ST18: variants seen among roughly 807,000 people sequenced by gnomAD.
ST18 encodes the protein ST18 C2H2C-type zinc finger transcription factor.
A neutral mutation model predicts 110.0 loss-of-function variants in ST18; 50 were observed. That is an observed-to-expected ratio of 0.45 (90% CI 0.36 to 0.58). The LOEUF (loss-of-function observed/expected upper bound fraction) is 0.58, where lower values mean the gene tolerates loss of function less well. ST18 is among the 20% of genes least tolerant of loss of function. The probability of loss-of-function intolerance (pLI) is 0.00; values close to 1 mark genes in which losing one functional copy is unlikely to be tolerated. For missense variants in ST18, 1,306 were observed against 1,280.1 expected, an observed-to-expected ratio of 1.02 and a Z score of -0.31; for synonymous variants, 461 against 452.4, an observed-to-expected ratio of 1.02 and a Z score of -0.24.
chr8:52,174,243 G>A (rs1477792326), intron 9 of ST18, among the ~76,000 whole-genome samples: 1 of 152,084 alleles, frequency 6.6e-6, no homozygotes, highest in African/African-American at 2.4e-5. Flanking sequence ...AGGAACTCCA[G>A]GTTTAAATAA....
At chr8:52,233,143 G>T (rs1043543078) in intron 2 of ST18, among the ~76,000 whole-genome samples, 1 of 151,988 alleles carries the variant, frequency 6.6e-6, no homozygotes, top group African/African-American at 2.4e-5. Flanking sequence ...TAACCTTCTT[G>T]GTACAGAACA....
chr8:52,347,996 A>AT (rs1818502270), intron 2 of ST18, among the ~76,000 whole-genome samples: 1 of 151,942 alleles, frequency 6.6e-6, no homozygotes, highest in Non-Finnish European at 1.5e-5. Context: ...CATTTTTTTC[A>AT]TTTTACAGAT....
chr8:52,358,713 T>C (rs906857662), intron 2 of ST18, among the ~76,000 whole-genome samples: 10 of 151,856 alleles, frequency 6.6e-5, no homozygotes, highest in African/African-American at 2.4e-4. Context: ...ATAATAACAA[T>C]AAACCATACA....
At chr8:52,351,634 C>T (rs1384382995) in intron 2 of ST18, among the ~76,000 whole-genome samples, 1 of 152,170 alleles carries the variant, frequency 6.6e-6, no homozygotes, top group African/African-American at 2.4e-5. Flanking sequence ...TCAAGTCGAA[C>T]TAATGTTAAT....
chr8:52,408,708 A>C (rs1300739647), intron 2 of ST18, among the ~76,000 whole-genome samples: 2 of 152,244 alleles, frequency 1.3e-5, no homozygotes, highest in Non-Finnish European at 2.9e-5. Context: ...GTTCATTTTC[A>C]GTGACCTAAA....
At chr8:52,157,123 T>C (rs1423536195) in intron 15 of ST18, among the ~76,000 whole-genome samples, 1 of 152,236 alleles carries the variant, frequency 6.6e-6, no homozygotes, top group African/African-American at 2.4e-5. Flanking sequence ...TTTGATTTTT[T>C]GAAACGTGTC....
chr8:52,283,135 T>C (rs1293464535), intron 2 of ST18, among the ~76,000 whole-genome samples: 2 of 152,102 alleles, frequency 1.3e-5, no homozygotes, highest in Non-Finnish European at 2.9e-5. Flanking sequence ...GTTGGTGGAT[T>C]AGATATGGAA....
At chr8:52,302,576 C>T (rs979885979) in intron 2 of ST18, among the ~76,000 whole-genome samples, 7 of 152,100 alleles carry the variant, frequency 4.6e-5, no homozygotes, top group Admixed American at 6.6e-5. Flanking sequence ...CTGGACTCCT[C>T]AGAGAAATGG....
At chr8:52,150,000 A>AAAACATTT in intron 15 of ST18, 23 bp from the exon 16 acceptor site, 1 of 1,602,526 alleles carries the variant, frequency 6.2e-7, no homozygotes, top group Non-Finnish European at 8.5e-7. Context: ...AGGAAACAGA[A>AAAACATTT]AAACATTTAA....
At chr8:52,234,309 G>A (rs989280050) in intron 2 of ST18, among the ~76,000 whole-genome samples, 4 of 152,032 alleles carry the variant, frequency 2.6e-5, no homozygotes, top group African/African-American at 7.2e-5. Context: ...CTGTCACCCA[G>A]GCTGGAGTGC....
intron 2 of ST18, among the ~76,000 whole-genome samples, chr8:52,398,073 T>G (rs1030710700): frequency 6.6e-6 from 1 of 152,180 alleles, no homozygotes; most frequent in African/African-American, 2.4e-5. Context: ...TTCCTATACA[T>G]GGACACATTT....
intron 15 of ST18, among the ~76,000 whole-genome samples, chr8:52,151,445 T>C (rs1354628670): frequency 1.3e-5 from 2 of 152,236 alleles, no homozygotes; most frequent in Non-Finnish European, 2.9e-5. Context: ...GTTTAATCTC[T>C]CGTGATAGTT....
chr8:52,113,146 A>T lies in ST18; in HGVS notation c.*52T>A, dbSNP rs372851738. 21 of 1,606,760 alleles carry T rather than the reference A, an allele frequency of 1.3e-5. No homozygotes were observed. The highest frequency in any genetic ancestry group is 1.6e-5 in the Non-Finnish European group (19 of 1,177,010). On this transcript the variant is annotated 3_prime_UTR_variant, in exon 26 of 26. Transcript: ENST00000689386. ...CAGTACATGAACCTCTAACAGATCCATCTGGAGTTTACTGCTGTTGGTAAC... is the reference window on the plus strand; with the variant it reads ...CAGTACATGAACCTCTAACAGATCCTTCTGGAGTTTACTGCTGTTGGTAAC...
At chr8:52,211,807 C>T (rs1344099105) in intron 8 of ST18, among the ~76,000 whole-genome samples, 4 of 152,198 alleles carry the variant, frequency 2.6e-5, no homozygotes, top group African/African-American at 9.7e-5. Flanking sequence ...AAAGGGATCA[C>T]ATGCTTGATG....
chr8:52,255,192 C>T (rs747193857), intron 2 of ST18, among the ~76,000 whole-genome samples: 48 of 152,200 alleles, frequency 3.2e-4, no homozygotes, highest in Non-Finnish European at 6.0e-4. Context: ...CTGTGCGGCC[C>T]GGAGTGCTCT....
rs566780516 is a variant in ST18, at chr8:52,253,969, G to A, written c.-464-23892C>T. On this transcript the variant is annotated intron_variant, in intron 2 of 25. Coordinates refer to ENST00000689386, the MANE Select transcript of ST18 (RefSeq NM_001352837.2). ...TGTTTTTGCCAAAGAGAGTGAAAGTGTGAGAGATTGAGAGAGAGAGAGAGA... is the reference window on the plus strand; with the variant it reads ...TGTTTTTGCCAAAGAGAGTGAAAGTATGAGAGATTGAGAGAGAGAGAGAGA... Among the ~76,000 whole-genome samples, 19 of 104,470 alleles carry A rather than the reference G, an allele frequency of 1.8e-4. 1 individual carries two copies. In the East Asian group the frequency reaches 4.4e-3, roughly 24 times the overall value. The allele number at this position is 104,470 out of a possible 152,430, so 68.5% of individuals were successfully genotyped here.
chr8:52,268,275 A>G (rs1294535939), intron 2 of ST18, among the ~76,000 whole-genome samples: 1 of 152,214 alleles, frequency 6.6e-6, no homozygotes, highest in Non-Finnish European at 1.5e-5. Flanking sequence ...CTACTGTACT[A>G]AGTATTGACA....
In ST18 at chr8:52,331,741, T is replaced by C. The variant is rs562369249; in HGVS notation, c.-465+77587A>G. Reference sequence around the variant, plus strand: ...CACGTGTGCATATCAAAGTGCAAAGTCCCACTGGGAAACACCAGTTTGGGG... The same window carrying C: ...CACGTGTGCATATCAAAGTGCAAAGCCCCACTGGGAAACACCAGTTTGGGG... On this transcript the variant is annotated intron_variant, in intron 2 of 25. Coordinates refer to ENST00000689386, the MANE Select transcript of ST18 (RefSeq NM_001352837.2). Among the ~76,000 whole-genome samples, 18 of 152,276 alleles carry C rather than the reference T, an allele frequency of 1.2e-4. No homozygotes were observed. The East Asian group carries it at 3.3e-3, about 28-fold the overall frequency.
At chr8:52,291,056 C>T (rs181657487) in intron 2 of ST18, among the ~76,000 whole-genome samples, 26 of 152,272 alleles carry the variant, frequency 1.7e-4, no homozygotes, top group African/African-American at 4.6e-4. Context: ...TTCATCAGGG[C>T]GCCCCATTGA....
Sources: allele counts gnomAD v4.1 joint callset (sites outside exome capture counted in the v4.1 genomes callset), GRCh38; gene constraint gnomAD v4.1.1; transcripts MANE v1.5; gene names NCBI Gene and HGNC (gene_info 2026-07-23, HGNC 2026-07-21).